The following ATP13A4 variants were observed in gnomAD, a reference collection of about 807,000 sequenced individuals.
The protein encoded by ATP13A4 is ATPase 13A4.
A neutral mutation model predicts 142.5 loss-of-function variants in ATP13A4; 114 were observed. The observed-to-expected ratio is 0.80, with a 90% CI of 0.69 to 0.93. The LOEUF is 0.93. Ranked by LOEUF, ATP13A4 falls within the 40% of genes least tolerant of loss-of-function variation. The pLI, the probability that ATP13A4 is intolerant of heterozygous loss-of-function variation, is 0.00. For synonymous variants in ATP13A4, 488 were observed against 514.8 expected, an observed-to-expected ratio of 0.95 and a Z score of 0.70; for missense variants, 1,392 against 1,454.0, an observed-to-expected ratio of 0.96 and a Z score of 0.69.
intron 2 of ATP13A4, among the ~76,000 whole-genome samples, chr3:193,576,099 T>C (rs1724385314): frequency 1.3e-5 from 2 of 152,004 alleles, no homozygotes; most frequent in African/African-American, 2.4e-5. Context: ...AAAATGTCAA[T>C]AGTGCCAAGA....
At chr3:193,518,610 C>T (rs180993505) in intron 1 of ATP13A4, among the ~76,000 whole-genome samples, 165 of 152,230 alleles carry the variant, frequency 1.1e-3, no homozygotes, top group Non-Finnish European at 2.9e-4. Flanking sequence ...TTATAAAGAA[C>T]TAATAAAGTA....
In ATP13A4 at chr3:193,582,969, T is replaced by A. The variant is rs796319897; in HGVS notation, n.92-1063A>T. On this transcript the variant is annotated intron_variant and non_coding_transcript_variant, in intron 1 of 3. Coordinates refer to the ATP13A4 transcript ENST00000489140. ...ATATGTATATTACATATATATAAAA[T>A]ATATATATGTATATTACATATATAT... is the stretch of plus-strand genomic sequence containing the variant. Among the ~76,000 whole-genome samples, 256 of 35,794 alleles carry A rather than the reference T, an allele frequency of 7.2e-3. 79 individuals are homozygous for A. The highest frequency in any genetic ancestry group is 0.011 in the Non-Finnish European group (207 of 18,428). 23.5% of individuals were successfully genotyped at this position (35,794 alleles called of 152,430 possible).
intron 2 of ATP13A4, among the ~76,000 whole-genome samples, chr3:193,568,038 C>T (rs1179257846): frequency 6.6e-6 from 1 of 152,010 alleles, no homozygotes; most frequent in Non-Finnish European, 1.5e-5. Flanking sequence ...CGGCTCACTG[C>T]AACCTCCGTC....
At chr3:193,463,564 AC>A (rs1319985017) in intron 12 of ATP13A4, among the ~76,000 whole-genome samples, 16 of 152,254 alleles carry the variant, frequency 1.1e-4, no homozygotes, top group African/African-American at 3.9e-4. Flanking sequence ...CTTATCTGTA[AC>A]ATGGTCATAA....
chr3:193,497,180 G>A (rs1189872562), intron 3 of ATP13A4, among the ~76,000 whole-genome samples: 1 of 152,056 alleles, frequency 6.6e-6, no homozygotes, highest in East Asian at 1.9e-4. Flanking sequence ...TCTGACAAGG[G>A]GTTAATATCC....
chr3:193,518,146 C>A (rs1173045522), intron 1 of ATP13A4, among the ~76,000 whole-genome samples: 2 of 152,192 alleles, frequency 1.3e-5, no homozygotes, highest in Non-Finnish European at 2.9e-5. Flanking sequence ...TTCCCACATT[C>A]TTGCACTGCA....
chr3:193,531,173 C>T (rs1197552323), intron 1 of ATP13A4, among the ~76,000 whole-genome samples: 1 of 151,620 alleles, frequency 6.6e-6, no homozygotes, highest in Non-Finnish European at 1.5e-5. Context: ...AAGCACTAGC[C>T]CGTTGAACTC....
At chr3:193,583,297 G>A (rs193110699) in intron 1 of ATP13A4, among the ~76,000 whole-genome samples, 74 of 152,100 alleles carry the variant, frequency 4.9e-4, no homozygotes, top group African/African-American at 1.7e-3. Context: ...GCTGGGATTG[G>A]TGGCGGGCGC....
At chr3:193,405,213 G>A (rs1204846356) in intron 29 of ATP13A4, among the ~76,000 whole-genome samples, 2 of 152,234 alleles carry the variant, frequency 1.3e-5, no homozygotes, top group Non-Finnish European at 2.9e-5. Flanking sequence ...AGAACTTCCT[G>A]CTAGAGGATT....
intron 1 of ATP13A4, among the ~76,000 whole-genome samples, chr3:193,549,265 A>C (rs1233431748): frequency 6.6e-6 from 1 of 152,122 alleles, no homozygotes; most frequent in Non-Finnish European, 1.5e-5. Context: ...AATCTGAAAA[A>C]TAAATAAATA....
intron 1 of ATP13A4, among the ~76,000 whole-genome samples, chr3:193,523,165 G>A (rs1259540604): frequency 2.6e-5 from 4 of 152,092 alleles, no homozygotes; most frequent in South Asian, 2.1e-4. Flanking sequence ...TTAGCCAGGC[G>A]TAGTGGCAGG....
intron 8 of ATP13A4, among the ~76,000 whole-genome samples, chr3:193,480,743 A>C (rs753135283): frequency 6.6e-6 from 1 of 152,138 alleles, no homozygotes; most frequent in African/African-American, 2.4e-5. Context: ...ACTAAAAGTA[A>C]ATCTACCATT....
At chr3:193,507,084 C>CA (rs1013878532) in intron 2 of ATP13A4, among the ~76,000 whole-genome samples, 5 of 152,102 alleles carry the variant, frequency 3.3e-5, no homozygotes, top group East Asian at 3.9e-4. Flanking sequence ...GTTCACTACA[C>CA]AAAAAAATGT....
At chr3:193,593,098 G>T in exon 1 of ATP13A4, 3 of 415,260 alleles carry the variant, frequency 7.2e-6, no homozygotes, top group Non-Finnish European at 1.3e-5. Flanking sequence ...GCTCCAGTCC[G>T]TTCCCGACGC....
In ATP13A4 at chr3:193,494,735, C is replaced by A. The variant is rs56161207; in HGVS notation, c.382-1575G>T. ...CAGGGAAAATGAGAACAAACTAAAT[C>A]CAAAATTAATAGAAAGAAGGAAATA... On this transcript the variant is annotated intron_variant, in intron 3 of 29. Coordinates refer to ENST00000342695, the MANE Select transcript of ATP13A4 (RefSeq NM_032279.4). Among the ~76,000 whole-genome samples, 1,408 of 151,538 alleles carry A rather than the reference C, an allele frequency of 9.3e-3. 10 individuals are homozygous for A. The highest frequency in any genetic ancestry group is 0.015 in the Non-Finnish European group (1,006 of 67,720).
At chr3:193,403,746 T>G in intron 29 of ATP13A4, 1 of 983,108 alleles carries the variant, frequency 1.0e-6, no homozygotes, top group Admixed American at 6.1e-5. Context: ...ATATTAATTT[T>G]CCACTTTTAT....
intron 1 of ATP13A4, among the ~76,000 whole-genome samples, chr3:193,538,209 A>G (rs1722688123): frequency 6.6e-6 from 1 of 152,164 alleles, no homozygotes; most frequent in Admixed American, 6.5e-5. Context: ...AGGTATCTCC[A>G]AGTGATTTTT....
chr3:193,538,893 T>C (rs984816136), intron 1 of ATP13A4, among the ~76,000 whole-genome samples: 3 of 58,760 alleles, frequency 5.1e-5, no homozygotes, highest in Non-Finnish European at 1.4e-4. Context: ...TGGTTTTTTC[T>C]TTTTTTTTTT....
intron 1 of ATP13A4, among the ~76,000 whole-genome samples, chr3:193,592,792 TCAAA>T (rs1375432776): frequency 1.3e-5 from 2 of 152,218 alleles, no homozygotes; most frequent in Non-Finnish European, 2.9e-5. Context: ...GAAAGTGCTT[TCAAA>T]CAAAGATGCC....
Sources: gnomAD v4.1 joint callset for allele counts (sites outside exome capture counted in the v4.1 genomes callset) on GRCh38, gnomAD v4.1.1 for gene constraint, MANE v1.5 for transcripts, NCBI Gene and HGNC (gene_info 2026-07-23, HGNC 2026-07-21) for gene names.